MAP3K4: variants seen among roughly 807,000 people sequenced by gnomAD.
MAP3K4 encodes MAP three kinase 1.
Under a neutral mutation model 185.6 loss-of-function variants are expected in MAP3K4, and 67 were observed. The ratio of observed to expected loss-of-function variants is 0.36; its 90% confidence interval spans 0.30 to 0.44. The LOEUF (loss-of-function observed/expected upper bound fraction) is 0.44, where lower values mean the gene tolerates loss of function less well. Ranked by LOEUF, MAP3K4 falls within the 20% of genes least tolerant of loss-of-function variation. The pLI is 1.00. For synonymous variants in MAP3K4, 702 were observed against 710.4 expected, an observed-to-expected ratio of 0.99 and a Z score of 0.19; for missense variants, 1,551 against 1,995.1, an observed-to-expected ratio of 0.78 and a Z score of 4.24.
intron 1 of MAP3K4, among the ~76,000 whole-genome samples, chr6:161,019,467 G>T (rs1486628199): frequency 6.6e-6 from 1 of 152,098 alleles, no homozygotes; most frequent in Non-Finnish European, 1.5e-5. Context: ...GAGTGCAGTG[G>T]CGCGAGCTCA....
rs1357179226 is a variant in MAP3K4 at position 161,054,566 on chromosome 6, C to T, written c.1707+4587C>T. 5.3e-5 allele frequency among the ~76,000 whole-genome samples: 8 copies of T among 152,094 alleles called. No individual in the cohort carries two copies. Among genetic ancestry groups the T allele is most frequent in the African/African-American group, 1.9e-4 (8 of 41,402 alleles). Reference sequence around the variant, plus strand: ...CAGTTTGTTTTCATAATATGAATGCCATAAATGCCTTTAATGATTTGTTCA... The same window carrying T: ...CAGTTTGTTTTCATAATATGAATGCTATAAATGCCTTTAATGATTTGTTCA... On this transcript the variant is annotated intron_variant, in intron 3 of 26. Coordinates refer to ENST00000392142, the MANE Select transcript of MAP3K4 (RefSeq NM_005922.4). The surrounding 1 kb of genome is among the most constrained non-coding windows in gnomAD (Gnocchi z 4.2).
At position 161,098,403 on chromosome 6, in the gene MAP3K4, C is replaced by A. The variant is rs1777674124; in HGVS notation, c.3650C>A (p.Ser1217Tyr). ...GGTGGTGACTCTGTGCTGCCCAAAT[C>A]CATCAGCAGTGCCCATGATACCAGG... ...PSGGDSVLPKSISSAHDTRGS... is the reference protein window; with the variant it reads ...PSGGDSVLPKYISSAHDTRGS... Residue 1217 changes from serine (S) to tyrosine (Y), a missense_variant, in exon 17 of 27, where the codon TCC becomes TAC. Ser to Tyr is a moderately radical substitution (Grantham distance 144, BLOSUM62 -2). Around this residue, in one of 16 missense-constraint regions of MAP3K4, gnomAD observed 272 missense variants for 301.2 expected, o/e 0.90. Coordinates refer to ENST00000392142, the MANE Select transcript of MAP3K4 (RefSeq NM_005922.4). This position sits in a 1 kb window ranked among gnomAD's most constrained non-coding sequence, Gnocchi z 4.4. 1.2e-6 allele frequency: 2 copies of A among 1,613,774 alleles called. No individual in the cohort carries two copies. Among genetic ancestry groups the A allele is most frequent in the African/African-American group, 1.3e-5 (1 of 74,906 alleles).
At position 160,991,854 on chromosome 6, in the gene MAP3K4, C is replaced by G; in HGVS notation, c.-78C>G. 2 of 1,409,706 alleles carry G rather than the reference C, an allele frequency of 1.4e-6. No individual in the cohort carries two copies. Among genetic ancestry groups the G allele is most frequent in the Non-Finnish European group, 1.8e-6 (2 of 1,091,492 alleles). 87.3% of individuals were successfully genotyped at this position (1,409,706 alleles called of 1,614,324 possible). On this transcript the variant is annotated 5_prime_UTR_variant, in exon 1 of 27. Transcript: ENST00000392142. This position sits in a 1 kb window ranked among gnomAD's most constrained non-coding sequence, Gnocchi z 5.7. ...AGGCGGAGGCGGAGTCGAGTCACTC[C>G]CGCACTTCGGGGCTCCGGTGCCCCG...
At position 161,080,623 on chromosome 6, in the gene MAP3K4, C is replaced by T; in HGVS notation, c.2098-258C>T. On this transcript the variant is annotated intron_variant, in intron 5 of 26. Coordinates refer to ENST00000392142, the MANE Select transcript of MAP3K4 (RefSeq NM_005922.4). The surrounding 1 kb of genome is among the most constrained non-coding windows in gnomAD (Gnocchi z 4.8). ...TTTCCCCTTTATTGTAGATTGTGAA[C>T]ATTTTTGTTGTTAGGATTTTGAAGG... 7.4e-6 allele frequency: 3 copies of T among 408,000 alleles called. No individual in the cohort carries two copies. In the South Asian group the frequency reaches 7.6e-5, roughly 10 times the overall value. 25.3% of individuals were successfully genotyped at this position (408,000 alleles called of 1,614,324 possible). A position where few individuals can be genotyped will look rare whatever the true frequency, so the allele number is the denominator to read the frequency against.
At chr6:161,057,841 G>A (rs1784312244) in intron 3 of MAP3K4, among the ~76,000 whole-genome samples, 1 of 152,148 alleles carries the variant, frequency 6.6e-6, no homozygotes, top group Non-Finnish European at 1.5e-5. Flanking sequence ...TTTGCCTTTA[G>A]GTTTTCTGTT....
At chr6:161,052,860 A>G (rs561216435) in intron 3 of MAP3K4, among the ~76,000 whole-genome samples, 16 of 152,220 alleles carry the variant, frequency 1.1e-4, no homozygotes, top group African/African-American at 3.9e-4. Context: ...ACTGGGTTTC[A>G]TTTCTCACTG....
At chr6:161,069,998 G>C (rs541645978) in intron 3 of MAP3K4, among the ~76,000 whole-genome samples, 2 of 152,102 alleles carry the variant, frequency 1.3e-5, no homozygotes, top group Non-Finnish European at 2.9e-5. Flanking sequence ...GGCGGACAAC[G>C]CAACACTAGG....
chr6:161,020,328 G>A (rs998541466), intron 1 of MAP3K4, among the ~76,000 whole-genome samples: 2 of 152,050 alleles, frequency 1.3e-5, no homozygotes, highest in Admixed American at 6.5e-5. Flanking sequence ...AGGCTGGACT[G>A]CAGTGTCTCC....
intron 3 of MAP3K4, among the ~76,000 whole-genome samples, chr6:161,059,153 T>A (rs970967580): frequency 6.6e-6 from 1 of 151,828 alleles, no homozygotes; most frequent in African/African-American, 2.4e-5. Flanking sequence ...TTTTTTTTTT[T>A]AAGTCAGAGC....
Position 161,093,313 on chromosome 6 carries a change from AT to A in MAP3K4, c.3348+258del, listed in dbSNP as rs1209283854. Among the ~76,000 whole-genome samples, 1 of 152,180 alleles carries A rather than the reference AT, an allele frequency of 6.6e-6. No homozygotes were observed. The highest frequency in any genetic ancestry group is 2.4e-5 in the African/African-American group (1 of 41,434). On this transcript the variant is annotated intron_variant, in intron 14 of 26. Transcript: ENST00000392142. The surrounding 1 kb of genome is among the most constrained non-coding windows in gnomAD (Gnocchi z 5.2). ...CCCTTCTAAAATATTTGTGAGATTT[AT>A]ATTTTTACTGCCATCATAGCTGCTG...
Position 161,087,994 on chromosome 6 carries a change from G to C in MAP3K4, c.2823+40G>C, listed in dbSNP as rs1449443102. On this transcript the variant is annotated intron_variant, in intron 10 of 26. Transcript: ENST00000392142. This position sits in a 1 kb window ranked among gnomAD's most constrained non-coding sequence, Gnocchi z 4.9. Reference sequence around the variant, plus strand: ...CATCTTTGCAGCAGTGTTACTTCAAGGACTTTTAGTAAGAATGAACTGTTA... The same window carrying C: ...CATCTTTGCAGCAGTGTTACTTCAACGACTTTTAGTAAGAATGAACTGTTA... 1 of 1,577,000 alleles carries C rather than the reference G, an allele frequency of 6.3e-7. No homozygotes were observed. The highest frequency in any genetic ancestry group is 8.6e-7 in the Non-Finnish European group (1 of 1,165,604).
At chr6:161,012,109 C>A (rs1053735239) in intron 1 of MAP3K4, among the ~76,000 whole-genome samples, 1 of 152,218 alleles carries the variant, frequency 6.6e-6, no homozygotes, top group African/African-American at 2.4e-5. Flanking sequence ...CCTCCCTACA[C>A]CAATTTGCCA....
In MAP3K4 at chr6:161,054,135, C is replaced by A. The variant is rs1784130272; in HGVS notation, c.1707+4156C>A. On this transcript the variant is annotated intron_variant, in intron 3 of 26. Coordinates refer to ENST00000392142, the MANE Select transcript of MAP3K4 (RefSeq NM_005922.4). The surrounding 1 kb of genome is among the most constrained non-coding windows in gnomAD (Gnocchi z 4.2). ...GCACATGTGATCTTACATTTAATTT[C>A]CCTTTGTAAGCATGCTTTACAAAAT... Among the ~76,000 whole-genome samples, 1 of 152,150 alleles carries A rather than the reference C, an allele frequency of 6.6e-6. No individual in the cohort carries two copies. Among genetic ancestry groups the A allele is most frequent in the African/African-American group, 2.4e-5 (1 of 41,432 alleles).
At chr6:161,081,630 A>G (rs1259365476) in intron 6 of MAP3K4, among the ~76,000 whole-genome samples, 1 of 152,212 alleles carries the variant, frequency 6.6e-6, no homozygotes, top group Non-Finnish European at 1.5e-5. Context: ...TGAAGAGAGC[A>G]GTGCAGAGTC....
Position 161,086,599 on chromosome 6 carries a change from G to A in MAP3K4, c.2488G>A (p.Ala830Thr). ...KMLRKDLEIA[A>T]EFRLSAPVRD... ...GTGATCCTAGGACCTGGAAATAGCA[G>A]CAGAATTCAGGCTTTCAGCCCCAGT... The change falls in exon 9 of 27, where the codon GCA becomes ACA. Residue 830 changes from alanine to threonine, a missense_variant. Ala to Thr is a moderately conservative substitution (Grantham distance 58, BLOSUM62 0). Around this residue, in one of 16 missense-constraint regions of MAP3K4, gnomAD observed 261 missense variants for 306.5 expected, o/e 0.85. Transcript: ENST00000392142. This position sits in a 1 kb window ranked among gnomAD's most constrained non-coding sequence, Gnocchi z 4.8. 1 of 1,614,020 alleles carries A rather than the reference G, an allele frequency of 6.2e-7. No homozygotes were observed. The highest frequency in any genetic ancestry group is 8.5e-7 in the Non-Finnish European group (1 of 1,179,958).
intron 3 of MAP3K4, among the ~76,000 whole-genome samples, chr6:161,068,493 A>C (rs1414070323): frequency 6.6e-6 from 1 of 152,252 alleles, no homozygotes; most frequent in African/African-American, 2.4e-5. Context: ...AGATCTATGC[A>C]GAGACCTGGC....
At position 161,103,594 on chromosome 6, in the gene MAP3K4, T is replaced by C. The variant is rs368817004; in HGVS notation, c.3856+815T>C. Among the ~76,000 whole-genome samples, 1 of 151,210 alleles carries C rather than the reference T, an allele frequency of 6.6e-6. No individual in the cohort carries two copies. On this transcript the variant is annotated intron_variant, in intron 19 of 26. Transcript: ENST00000392142. The surrounding 1 kb of genome is among the most constrained non-coding windows in gnomAD (Gnocchi z 4.6). Reference sequence around the variant, plus strand: ...TGCCAATGCAGGAGAAACTGGAGAGTGAGGGGAGATCAGATCATGGACAGC... The same window carrying C: ...TGCCAATGCAGGAGAAACTGGAGAGCGAGGGGAGATCAGATCATGGACAGC...
chr6:161,009,351 A>G (rs1280632346), intron 1 of MAP3K4, among the ~76,000 whole-genome samples: 3 of 152,148 alleles, frequency 2.0e-5, no homozygotes, highest in Admixed American at 2.0e-4. Context: ...TGATGCAACC[A>G]ATTTCCAGAG....
At chr6:161,059,946 C>A (rs1784414070) in intron 3 of MAP3K4, among the ~76,000 whole-genome samples, 1 of 151,694 alleles carries the variant, frequency 6.6e-6, no homozygotes, top group South Asian at 2.1e-4. Flanking sequence ...AGTTGCCCCA[C>A]ATGTTTCTAT....
Sources: allele counts gnomAD v4.1 joint callset (sites outside exome capture counted in the v4.1 genomes callset), GRCh38; gene constraint gnomAD v4.1.1; regional missense constraint gnomAD v4.1.1; non-coding constraint Gnocchi (gnomAD v3.1); transcripts MANE v1.5; gene names NCBI Gene and HGNC (gene_info 2026-07-23, HGNC 2026-07-21).